Variants in CTNNA2 observed in about 807,000 individuals in gnomAD.
The protein encoded by CTNNA2 is catenin alpha-2.
CTNNA2 carries 42 observed loss-of-function variants against 101.0 expected under a neutral mutation model. That is an observed-to-expected ratio of 0.42 (90% confidence interval 0.32 to 0.54). CTNNA2 has a LOEUF of 0.54. CTNNA2 is among the 20% of genes least tolerant of loss of function. The pLI is 0.14. For missense variants in CTNNA2, 871 were observed against 1,223.1 expected, an observed-to-expected ratio of 0.71 and a Z score of 4.29; for synonymous variants, 450 against 456.4, an observed-to-expected ratio of 0.99 and a Z score of 0.18.
chr2:80,618,967 T>G (rs1427851127), intron 17 of CTNNA2, 118 bp from the exon 18 acceptor site: 13 of 566,408 alleles, frequency 2.3e-5, no homozygotes, highest in Non-Finnish European at 3.4e-5. Flanking sequence ...TATACCTCTT[T>G]TTTCCCAATT....
chr2:79,391,249 C>T (rs1196543472), intron 4 of CTNNA2, among the ~76,000 whole-genome samples: 3 of 152,102 alleles, frequency 2.0e-5, no homozygotes, highest in East Asian at 3.9e-4. Flanking sequence ...CACTCTGCCA[C>T]CCAAAGACAA....
chr2:79,262,328 A>T (rs919982131), intron 2 of CTNNA2, among the ~76,000 whole-genome samples: 1 of 152,296 alleles, frequency 6.6e-6, no homozygotes, highest in East Asian at 1.9e-4. Context: ...TCTAGACAGC[A>T]CTGACTCAAG....
intron 9 of CTNNA2, among the ~76,000 whole-genome samples, chr2:80,437,314 T>G (rs10195705): frequency 0.44 from 66,596 of 152,154 alleles, 20,814 homozygotes; most frequent in East Asian, 0.85. Context: ...GAAATTCCAG[T>G]TTATAAGATC....
chr2:79,706,018 T>G (rs1044794179), intron 2 of CTNNA2, among the ~76,000 whole-genome samples: 2 of 151,974 alleles, frequency 1.3e-5, no homozygotes, highest in African/African-American at 2.4e-5. Flanking sequence ...TAAAGATAAC[T>G]GTATGCCAGA....
intron 2 of CTNNA2, among the ~76,000 whole-genome samples, chr2:79,686,943 A>G (rs1436006221): frequency 6.6e-6 from 1 of 152,190 alleles, no homozygotes; most frequent in Non-Finnish European, 1.5e-5. Flanking sequence ...GGTTGCACCC[A>G]GTGGAAATGC....
chr2:79,531,882 A>G (rs1328263288), intron 1 of CTNNA2, among the ~76,000 whole-genome samples: 2 of 152,052 alleles, frequency 1.3e-5, no homozygotes, highest in Admixed American at 1.3e-4. Flanking sequence ...GGGTTTCACC[A>G]TGTTGGTCAG....
chr2:79,903,775 G>A (rs530603385), intron 6 of CTNNA2, among the ~76,000 whole-genome samples: 6 of 152,172 alleles, frequency 3.9e-5, no homozygotes, highest in African/African-American at 9.7e-5. Context: ...TGGGGAGCCC[G>A]GATCAGGAGC....
intron 7 of CTNNA2, among the ~76,000 whole-genome samples, chr2:80,300,125 C>T (rs979787605): frequency 1.3e-5 from 2 of 151,936 alleles, no homozygotes; most frequent in Admixed American, 1.3e-4. Context: ...AATTCAAAAC[C>T]CCCTCCTCAA....
At chr2:79,195,862 A>T (rs1673953368) in intron 1 of CTNNA2, 2 of 509,574 alleles carry the variant, frequency 3.9e-6, no homozygotes, top group Non-Finnish European at 7.8e-6. Context: ...AGACCTTCAA[A>T]TATAAAAGGT....
intron 3 of CTNNA2, among the ~76,000 whole-genome samples, chr2:79,812,685 T>C (rs1249056067): frequency 6.6e-6 from 1 of 152,176 alleles, no homozygotes; most frequent in African/African-American, 2.4e-5. Context: ...GAATATATTA[T>C]GTTCATATCT....
intron 7 of CTNNA2, among the ~76,000 whole-genome samples, chr2:80,135,944 T>G (rs185926342): frequency 8.0e-4 from 121 of 152,190 alleles, no homozygotes; most frequent in African/African-American, 2.8e-3. Context: ...TGCTAACCCA[T>G]GGTAAAAGGC....
At chr2:79,355,193 G>T (rs188473521) in intron 3 of CTNNA2, among the ~76,000 whole-genome samples, 2 of 152,022 alleles carry the variant, frequency 1.3e-5, no homozygotes, top group African/African-American at 2.4e-5. Flanking sequence ...TTTGCTTAAG[G>T]TTGGTTTGGC....
rs752248831 is a variant in CTNNA2 at position 80,302,662 on chromosome 2, G to C, written c.1057-90549G>C. 1 of 1,610,418 alleles carries C rather than the reference G, an allele frequency of 6.2e-7. No individual in the cohort carries two copies. Among genetic ancestry groups the C allele is most frequent in the South Asian group, 1.1e-5 (1 of 90,990 alleles). ...CGAGCGTGGTGGCCGAGCTGGCAGG[G>C]GGCCCCAGATCACTGCGGTTGGTGA... On this transcript the variant is annotated intron_variant, in intron 7 of 18. Coordinates refer to ENST00000402739, the MANE Select transcript of CTNNA2 (RefSeq NM_001282597.3). The surrounding 1 kb of genome is among the most constrained non-coding windows in gnomAD (Gnocchi z 6.4).
At chr2:80,056,226 C>A (rs1337826673) in intron 7 of CTNNA2, among the ~76,000 whole-genome samples, 1 of 152,184 alleles carries the variant, frequency 6.6e-6, no homozygotes, top group Non-Finnish European at 1.5e-5. Flanking sequence ...GAGAGGCATG[C>A]CTTCTCCTTC....
intron 18 of CTNNA2, among the ~76,000 whole-genome samples, chr2:80,620,027 T>G (rs968521205): frequency 1.2e-4 from 18 of 151,868 alleles, no homozygotes; most frequent in African/African-American, 4.1e-4. Flanking sequence ...CCTCGTTCTC[T>G]CCTGGGTACC....
At chr2:80,533,144 A>G (rs977521709) in intron 9 of CTNNA2, among the ~76,000 whole-genome samples, 2 of 152,192 alleles carry the variant, frequency 1.3e-5, no homozygotes, top group African/African-American at 2.4e-5. Context: ...TCCTCCATCC[A>G]TATAATAAAT....
chr2:80,429,930 A>G (rs1027754074), intron 9 of CTNNA2, among the ~76,000 whole-genome samples: 2 of 152,228 alleles, frequency 1.3e-5, no homozygotes, highest in African/African-American at 4.8e-5. Flanking sequence ...AACTATGCAC[A>G]TAATGTAAAT....
chr2:80,230,257 T>A lies in CTNNA2; in HGVS notation c.1057-162954T>A, dbSNP rs149513057. 8.8e-3 allele frequency among the ~76,000 whole-genome samples: 937 copies of A among 106,812 alleles called. 4 individuals are homozygous for A. Among genetic ancestry groups the A allele is most frequent in the Middle Eastern group, 0.013 (3 of 230 alleles). The allele number at this position is 106,812 out of a possible 152,430, so 70.1% of individuals were successfully genotyped here. Reference sequence around the variant, plus strand: ...TTGTCTCTCTCTCTCTTTTTTTTTCTTTGTTTTTTTTTTTTTTTTTAAGAG... The same window carrying A: ...TTGTCTCTCTCTCTCTTTTTTTTTCATTGTTTTTTTTTTTTTTTTTAAGAG... On this transcript the variant is annotated intron_variant, in intron 7 of 18. Transcript: ENST00000402739.
At chr2:80,083,822 A>T (rs1699290184) in intron 7 of CTNNA2, among the ~76,000 whole-genome samples, 1 of 152,104 alleles carries the variant, frequency 6.6e-6, no homozygotes, top group African/African-American at 2.4e-5. Context: ...ACATTTATGA[A>T]TTTTTAATAT....
Sources: allele counts gnomAD v4.1 joint callset (sites outside exome capture counted in the v4.1 genomes callset), GRCh38; gene constraint gnomAD v4.1.1; non-coding constraint Gnocchi (gnomAD v3.1); transcripts MANE v1.5; gene names NCBI Gene and HGNC (gene_info 2026-07-23, HGNC 2026-07-21).